RRP12: variants seen among roughly 807,000 people sequenced by gnomAD.
The protein encoded by RRP12 is ribosomal RNA processing 12 homolog.
RRP12 carries 78 observed loss-of-function variants against 157.3 expected under a neutral mutation model. The observed-to-expected ratio is 0.50, with a 90% CI of 0.41 to 0.60. The LOEUF (loss-of-function observed/expected upper bound fraction) is 0.60. RRP12 is among the 20% of genes least tolerant of loss of function. The probability of loss-of-function intolerance (pLI) is 0.00; values close to 1 mark genes in which losing one functional copy is unlikely to be tolerated. For missense variants in RRP12, 1,521 were observed against 1,679.9 expected (o/e 0.91, Z 1.65); for synonymous variants, 726 against 670.9 (o/e 1.08, Z -1.27).
chr10:97,358,877 C>T (rs1366437059), intron 32 of RRP12, 66 bp downstream of exon 32: 2 of 1,313,290 alleles, frequency 1.5e-6, no homozygotes, highest in Non-Finnish European at 2.2e-6. Context: ...GGGCACAGCT[C>T]CTCCTTGCCC....
intron 3 of RRP12, among the ~76,000 whole-genome samples, chr10:97,395,569 G>C (rs1258019488): frequency 1.3e-5 from 2 of 150,428 alleles, no homozygotes; most frequent in Non-Finnish European, 3.0e-5. Context: ...AAAAAAAGTA[G>C]ACCAGGCCTG....
chr10:97,365,700 G>A (rs1419847488), intron 29 of RRP12, among the ~76,000 whole-genome samples: 1 of 151,816 alleles, frequency 6.6e-6, no homozygotes, highest in African/African-American at 2.4e-5. Flanking sequence ...TGGGAAGTTG[G>A]GAGGGTTTCA....
chr10:97,393,315 C>T (rs1274120870), intron 4 of RRP12: 1 of 442,928 alleles, frequency 2.3e-6, no homozygotes, highest in Non-Finnish European at 4.5e-6. Context: ...CAGGGAAGCA[C>T]TGCAGGCCCT....
At chr10:97,374,753 C>T (rs989397817) in intron 15 of RRP12, among the ~76,000 whole-genome samples, 1 of 126,776 alleles carries the variant, frequency 7.9e-6, no homozygotes, top group Non-Finnish European at 1.6e-5. Context: ...GCCTGGGTGA[C>T]GGAGCGAGAC....
rs1245634742 is a variant in RRP12, at chr10:97,373,179, C to T, written c.2048G>A (p.Ser683Asn). The T allele has an allele frequency of 6.2e-6, 10 of 1,614,072 alleles. No individual in the cohort carries two copies. The Admixed American group carries it at 1.5e-4, about 24-fold the overall frequency. The change falls in exon 18 of 34, where the codon AGT (serine) becomes AAT (asparagine). Residue 683 changes from serine to asparagine, a missense_variant. Transcript: ENST00000370992. Reference protein sequence around the residue: ...CQAEADRAEVSRFAKNFLPIL... With the variant: ...CQAEADRAEVNRFAKNFLPIL... ...CGGCAGAAAGTTCTTGGCAAAGCGACTCACTTCAGCACGGTCAGCCTCTGG... is the reference window on the plus strand; with the variant it reads ...CGGCAGAAAGTTCTTGGCAAAGCGATTCACTTCAGCACGGTCAGCCTCTGG...
rs769482709 is a variant in RRP12, at chr10:97,385,214, A to C, written c.1160T>G (p.Leu387Arg). ...CTCCATGACCTTAAGCCAGGCTAGC[A>C]GGGGTTGTAAATCATTCTCACTGGG... ...YVPSENDLQP[L>R]LAWLKVMEKA... The change falls in exon 10 of 34, where the codon CTG becomes CGG. Residue 387 changes from leucine (L) to arginine (R), a missense_variant. Transcript: ENST00000370992. 1.2e-6 allele frequency: 2 copies of C among 1,614,104 alleles called. No individual in the cohort carries two copies. The highest frequency in any genetic ancestry group is 1.7e-6 in the Non-Finnish European group (2 of 1,179,976).
At chr10:97,391,876 C>T (rs181932666) in intron 4 of RRP12, among the ~76,000 whole-genome samples, 3 of 152,002 alleles carry the variant, frequency 2.0e-5, no homozygotes, top group Non-Finnish European at 2.9e-5. Context: ...GAGGAGGTGG[C>T]GCCACTGCAC....
At chr10:97,359,518 G>A (rs1843789753) in intron 31 of RRP12, among the ~76,000 whole-genome samples, 1 of 152,240 alleles carries the variant, frequency 6.6e-6, no homozygotes, top group African/African-American at 2.4e-5. Context: ...CTGTGGCTTA[G>A]AGAGATCAAG....
In RRP12 at chr10:97,366,777, C is replaced by T. The variant is rs1222376674; in HGVS notation, c.3180G>A (p.Glu1060=). 1 of 1,614,072 alleles carries T rather than the reference C, an allele frequency of 6.2e-7. No individual in the cohort carries two copies. The highest frequency in any genetic ancestry group is 1.7e-5 in the Admixed American group (1 of 60,004). Residue 1060 remains glutamate, a synonymous_variant, in exon 27 of 34, where the codon GAG becomes GAA. Transcript: ENST00000370992. Reference sequence around the variant, plus strand: ...TGCCCTGGGCGGGCTCCTCCTCCTCCTCCTCCTCTTCTTCCTCCTCCACGG... The same window carrying T: ...TGCCCTGGGCGGGCTCCTCCTCCTCTTCCTCCTCTTCTTCCTCCTCCACGG... The part of the protein sequence containing the change: ...QAAVEEEEEE[E]EEEEPAQGKG...
Position 97,400,401 on chromosome 10 carries a change from G to A in RRP12, c.273C>T (p.Ser91=). ...EEAELVLTEK[S]SGTFLSGLSD... Reference sequence around the variant, plus strand: ...AAAGGCCACTCAGGAAGGTACCCGAGGACTTCTCGGTGAGAACCAGCTCCG... The same window carrying A: ...AAAGGCCACTCAGGAAGGTACCCGAAGACTTCTCGGTGAGAACCAGCTCCG... The change falls in exon 2 of 34, where the codon TCC becomes TCT. Residue 91 remains serine (S), a synonymous_variant. Coordinates refer to ENST00000370992, the MANE Select transcript of RRP12 (RefSeq NM_015179.4). 6.2e-7 allele frequency: 1 copy of A among 1,614,138 alleles called. No homozygotes were observed.
chr10:97,361,973 A>G (rs1313217039), intron 30 of RRP12, among the ~76,000 whole-genome samples: 1 of 152,036 alleles, frequency 6.6e-6, no homozygotes, highest in African/African-American at 2.4e-5. Context: ...TGGGCGTGGT[A>G]GCATGCACCT....
At chr10:97,378,659 C>T (rs1844376650) in intron 15 of RRP12, among the ~76,000 whole-genome samples, 1 of 152,070 alleles carries the variant, frequency 6.6e-6, no homozygotes, top group Non-Finnish European at 1.5e-5. Context: ...GAGTTTGAGA[C>T]CAGTCTGGCT....
At chr10:97,359,443 T>C (rs2134994140) in intron 31 of RRP12, among the ~76,000 whole-genome samples, 1 of 152,344 alleles carries the variant, frequency 6.6e-6, no homozygotes, top group East Asian at 1.9e-4. Flanking sequence ...TCTTATCTCA[T>C]TTGGGTTTCA....
chr10:97,371,179 G>T, intron 20 of RRP12, 98 bp from the exon 21 acceptor site: 1 of 1,286,514 alleles, frequency 7.8e-7, no homozygotes, highest in Non-Finnish European at 1.1e-6. Context: ...CTGAGCAGGG[G>T]TCCGTGGGGG....
intron 15 of RRP12, among the ~76,000 whole-genome samples, chr10:97,377,948 T>C (rs1251070435): frequency 1.3e-5 from 2 of 150,212 alleles, no homozygotes; most frequent in Non-Finnish European, 3.0e-5. Flanking sequence ...ATCCACAAAA[T>C]CCAATGAAAA....
intron 4 of RRP12, among the ~76,000 whole-genome samples, chr10:97,392,001 G>GT (rs59302286): frequency 0.38 from 55,708 of 147,630 alleles, 10,826 homozygotes; most frequent in African/African-American, 0.49. Context: ...CATGTTGTGG[G>GT]TTTTTTTTTT....
chr10:97,385,404 C>T (rs1844601545), intron 9 of RRP12, 147 bp from the exon 10 acceptor site: 10 of 639,074 alleles, frequency 1.6e-5, no homozygotes, highest in Non-Finnish European at 2.2e-5. Flanking sequence ...TTCCCAGCTC[C>T]TGCCTTTCCC....
rs998439778 is a variant in RRP12 at position 97,390,473 on chromosome 10, G to C, written c.703C>G (p.Leu235Val). Residue 235 changes from leucine (L) to valine (V), a missense_variant, in exon 6 of 34, where the codon CTT (leucine) becomes GTT (valine). Leu to Val is a conservative substitution (Grantham distance 32, BLOSUM62 1). Transcript: ENST00000370992. ...DLEAWGYPVTLQVYHGLLSFT... is the reference protein window; with the variant it reads ...DLEAWGYPVTVQVYHGLLSFT... ...CTCAGCAGCCCATGGTACACCTGAA[G>C]GGTCACGGGGTAGCCCCAGGCCTCC... The C allele has an allele frequency of 6.2e-7, 1 of 1,614,074 alleles. No individual in the cohort carries two copies.
intron 25 of RRP12, among the ~76,000 whole-genome samples, chr10:97,367,554 C>T (rs1380844597): frequency 2.6e-5 from 4 of 152,176 alleles, no homozygotes; most frequent in African/African-American, 9.7e-5. Context: ...CTGCGGCTCC[C>T]GCTTTGCCCC....
Sources: gnomAD v4.1 joint callset for allele counts (sites outside exome capture counted in the v4.1 genomes callset) on GRCh38, gnomAD v4.1.1 for gene constraint, MANE v1.5 for transcripts, NCBI Gene and HGNC (gene_info 2026-07-23, HGNC 2026-07-21) for gene names.